ADCY8: variants seen among roughly 807,000 people sequenced by gnomAD.
The protein encoded by ADCY8 is adenylate cyclase 8.
ADCY8 carries 51 observed loss-of-function variants against 119.7 expected under a neutral mutation model. The observed-to-expected ratio is 0.43, with a 90% CI of 0.34 to 0.54. The LOEUF (loss-of-function observed/expected upper bound fraction) is 0.54. Among genes scored for constraint, ADCY8 ranks in the 20% least tolerant of loss-of-function variants. ADCY8 has a pLI of 0.03. For synonymous variants in ADCY8, 665 were observed against 651.0 expected, an observed-to-expected ratio of 1.02 and a Z score of -0.33; for missense variants, 1,383 against 1,598.8, an observed-to-expected ratio of 0.87 and a Z score of 2.30.
rs759597763 is a variant in ADCY8, at chr8:130,884,650, T to C, written c.2023A>G (p.Ile675Val). 83 of 1,613,770 alleles carry C rather than the reference T, an allele frequency of 5.1e-5. No individual in the cohort carries two copies. Among genetic ancestry groups the C allele is most frequent in the Non-Finnish European group, 7.0e-5 (83 of 1,179,868 alleles). The change falls in exon 8 of 18, where the codon ATC becomes GTC. Residue 675 changes from isoleucine to valine, a missense_variant. Physicochemically the swap from Ile to Val is conservative, Grantham distance 29 (BLOSUM62 3). Around this residue, in one of 2 missense-constraint regions of ADCY8, gnomAD observed 928 missense variants for 1,163.5 expected, o/e 0.80. Transcript: ENST00000286355. ...AATTTATCGCCACTCCGCAAGTCGA[T>C]GGTATGTTCTATTCTCTTGTTAATT... ...EEINKRIEHT[I>V]DLRSGDKLRR...
chr8:130,991,975 T>C lies in ADCY8; in HGVS notation c.961-1433A>G, dbSNP rs953975457. Among the ~76,000 whole-genome samples, 9 of 151,864 alleles carry C rather than the reference T, an allele frequency of 5.9e-5. No homozygotes were observed. The South Asian group carries it at 1.7e-3, about 28-fold the overall frequency. Reference sequence around the variant, plus strand: ...CCAACTGGATATTAACAGCAGAACATAGATGACGGAAGAATCAGTAAATTT... The same window carrying C: ...CCAACTGGATATTAACAGCAGAACACAGATGACGGAAGAATCAGTAAATTT... On this transcript the variant is annotated intron_variant, in intron 1 of 17. Coordinates refer to ENST00000286355, the MANE Select transcript of ADCY8 (RefSeq NM_001115.3).
At chr8:130,875,366 T>C (rs1232253882) in intron 8 of ADCY8, among the ~76,000 whole-genome samples, 1 of 152,164 alleles carries the variant, frequency 6.6e-6, no homozygotes, top group Non-Finnish European at 1.5e-5. Context: ...AGAATAAATC[T>C]TTAAAAATCA....
intron 4 of ADCY8, among the ~76,000 whole-genome samples, chr8:130,940,859 C>T (rs72714480): frequency 0.091 from 13,784 of 152,158 alleles, 678 homozygotes; most frequent in African/African-American, 0.1. Context: ...TATGAAACTG[C>T]ACATACAGAC....
At chr8:130,802,527 C>A (rs935569793) in intron 14 of ADCY8, among the ~76,000 whole-genome samples, 3 of 152,182 alleles carry the variant, frequency 2.0e-5, no homozygotes, top group African/African-American at 7.2e-5. Flanking sequence ...CCTCCAATGG[C>A]TCACCATTGC....
intron 7 of ADCY8, among the ~76,000 whole-genome samples, chr8:130,888,595 A>G (rs1040598355): frequency 1.3e-5 from 2 of 152,098 alleles, no homozygotes; most frequent in Non-Finnish European, 2.9e-5. Context: ...CTTGAGATAG[A>G]TCAAAGTGCA....
intron 2 of ADCY8, among the ~76,000 whole-genome samples, chr8:130,970,685 T>C (rs1229097682): frequency 6.6e-6 from 1 of 152,214 alleles, no homozygotes; most frequent in Non-Finnish European, 1.5e-5. Context: ...GATATTGTGT[T>C]GGTTCCACTA....
chr8:130,868,735 C>A (rs185229765), intron 8 of ADCY8, among the ~76,000 whole-genome samples: 2 of 152,270 alleles, frequency 1.3e-5, no homozygotes, highest in East Asian at 3.9e-4. Context: ...CTAAACCAAG[C>A]CCCACATTTG....
At chr8:130,962,133 AATC>A (rs1334690861) in intron 2 of ADCY8, among the ~76,000 whole-genome samples, 2 of 152,246 alleles carry the variant, frequency 1.3e-5, no homozygotes, top group African/African-American at 4.8e-5. Flanking sequence ...TGCTACTGGC[AATC>A]ATCCCAGCTC....
chr8:130,821,356 A>G lies in ADCY8; in HGVS notation c.2740T>C (p.Tyr914His). ...TGTTAGATTACCTGCTGTCCATGGT[A>G]GAACACAGCCAGGAGGAACATGGCC... is the stretch of plus-strand genomic sequence containing the variant. Reference protein sequence around the residue: ...LMAMFLLAVFYHGQQLEYTAR... With the variant: ...LMAMFLLAVFHHGQQLEYTAR... The change falls in exon 13 of 18, where the codon TAC becomes CAC. Residue 914 changes from tyrosine (Y) to histidine (H), a missense_variant. Tyr to His is a moderately conservative substitution (Grantham distance 83). Transcript: ENST00000286355. The G allele has an allele frequency of 6.2e-7, 1 of 1,613,326 alleles. No homozygotes were observed. Among genetic ancestry groups the G allele is most frequent in the Non-Finnish European group, 8.5e-7 (1 of 1,179,404 alleles).
At chr8:130,957,523 C>T (rs1218517337) in intron 2 of ADCY8, among the ~76,000 whole-genome samples, 3 of 152,182 alleles carry the variant, frequency 2.0e-5, no homozygotes, top group African/African-American at 7.2e-5. Flanking sequence ...TTCAAGCTGC[C>T]TGCAGAAATT....
At chr8:130,906,177 A>G (rs1819777836) in intron 6 of ADCY8, among the ~76,000 whole-genome samples, 1 of 152,242 alleles carries the variant, frequency 6.6e-6, no homozygotes, top group Non-Finnish European at 1.5e-5. Flanking sequence ...CATTTTGTTA[A>G]TACATATGAA....
chr8:130,937,549 A>G (rs1279989690), intron 4 of ADCY8, among the ~76,000 whole-genome samples: 1 of 152,166 alleles, frequency 6.6e-6, no homozygotes, highest in Non-Finnish European at 1.5e-5. Flanking sequence ...TTCAGCCCCA[A>G]GCAATGTCTC....
chr8:130,834,250 G>T (rs1816920736), intron 12 of ADCY8, among the ~76,000 whole-genome samples: 1 of 152,088 alleles, frequency 6.6e-6, no homozygotes, highest in Admixed American at 6.6e-5. Flanking sequence ...ACTGGGTAAA[G>T]GATATGAGCT....
intron 8 of ADCY8, among the ~76,000 whole-genome samples, chr8:130,869,304 T>C (rs1237984671): frequency 2.0e-5 from 3 of 152,046 alleles, no homozygotes; most frequent in South Asian, 4.1e-4. Flanking sequence ...AGAAAGCCCA[T>C]ATTATTAATA....
At chr8:130,854,986 T>A (rs147167607) in intron 9 of ADCY8, among the ~76,000 whole-genome samples, 3 of 148,808 alleles carry the variant, frequency 2.0e-5, no homozygotes, top group Non-Finnish European at 4.5e-5. Flanking sequence ...GCAGACCAGA[T>A]ACATTGTTCT....
rs142182360 is a variant in ADCY8, at chr8:130,907,216, T to C, written c.1640+2492A>G. On this transcript the variant is annotated intron_variant, in intron 6 of 17. Transcript: ENST00000286355. ...GTAGAAAGCATCATCTTGAGTTCCATGCCAGACATACTGAACCAGAAACTC... is the reference window on the plus strand; with the variant it reads ...GTAGAAAGCATCATCTTGAGTTCCACGCCAGACATACTGAACCAGAAACTC... 5.5e-3 allele frequency among the ~76,000 whole-genome samples: 841 copies of C among 152,230 alleles called. 3 individuals carry two copies. The highest frequency in any genetic ancestry group is 0.014 in the Admixed American group (214 of 15,298).
intron 1 of ADCY8, among the ~76,000 whole-genome samples, chr8:131,017,451 C>T (rs1047123389): frequency 6.6e-6 from 1 of 152,162 alleles, no homozygotes; most frequent in Admixed American, 6.5e-5. Flanking sequence ...ACTCTTTACT[C>T]CTATCCTAAG....
In ADCY8 at chr8:131,026,636, C is replaced by G. The variant is rs140445084; in HGVS notation, c.960+12738G>C. 1.1e-3 allele frequency among the ~76,000 whole-genome samples: 167 copies of G among 152,176 alleles called. 1 individual carries two copies. The East Asian group carries it at 0.031, about 28-fold the overall frequency. Reference sequence around the variant, plus strand: ...GAACCTAGGGTCCTCCTCCTAAATCCAAATTTTGTCAAGATCTCCAAGTGA... The same window carrying G: ...GAACCTAGGGTCCTCCTCCTAAATCGAAATTTTGTCAAGATCTCCAAGTGA... On this transcript the variant is annotated intron_variant, in intron 1 of 17. Transcript: ENST00000286355.
intron 12 of ADCY8, among the ~76,000 whole-genome samples, chr8:130,830,845 G>A (rs1190621873): frequency 6.6e-6 from 1 of 152,196 alleles, no homozygotes; most frequent in African/African-American, 2.4e-5. Flanking sequence ...GTGGAAACAG[G>A]TGCCAGAACT....
Sources: gnomAD v4.1 joint callset for allele counts (sites outside exome capture counted in the v4.1 genomes callset) on GRCh38, gnomAD v4.1.1 for gene constraint, gnomAD v4.1.1 regional missense constraint, MANE v1.5 for transcripts, NCBI Gene and HGNC (gene_info 2026-07-23, HGNC 2026-07-21) for gene names.